Variants in CTNNA2 observed in about 807,000 individuals in gnomAD.
The protein encoded by CTNNA2 is catenin alpha 2.
In CTNNA2, 42 loss-of-function variants were observed where a neutral mutation model predicts 101.0. That is an observed-to-expected ratio of 0.42 (90% CI 0.32 to 0.54). The LOEUF (loss-of-function observed/expected upper bound fraction) is 0.54. Ranked by LOEUF, CTNNA2 falls within the 20% of genes least tolerant of loss-of-function variation. The pLI is 0.14. For missense variants in CTNNA2, 871 were observed against 1,223.1 expected (o/e 0.71, Z 4.29); for synonymous variants, 450 against 456.4 (o/e 0.99, Z 0.18).
chr2:79,587,613 A>G (rs1237702542), intron 1 of CTNNA2, among the ~76,000 whole-genome samples: 2 of 152,068 alleles, frequency 1.3e-5, no homozygotes, highest in African/African-American at 4.8e-5. Context: ...GGTGCATAAA[A>G]CCATCATTTT....
intron 7 of CTNNA2, among the ~76,000 whole-genome samples, chr2:79,982,604 C>T (rs1451327019): frequency 1.3e-5 from 2 of 151,400 alleles, no homozygotes; most frequent in East Asian, 3.9e-4. Context: ...TTGCTCTTTG[C>T]TTCCTATTAG....
chr2:80,390,705 A>G (rs938738877), intron 7 of CTNNA2, among the ~76,000 whole-genome samples: 1 of 152,230 alleles, frequency 6.6e-6, no homozygotes, highest in Admixed American at 6.5e-5. Flanking sequence ...TTAAAATGTC[A>G]TCTGATGCTG....
At chr2:80,055,358 G>A (rs1168420028) in intron 7 of CTNNA2, among the ~76,000 whole-genome samples, 2 of 152,006 alleles carry the variant, frequency 1.3e-5, no homozygotes, top group Non-Finnish European at 2.9e-5. Flanking sequence ...CTGTCTACAT[G>A]GTAATGACTT....
At chr2:80,438,069 A>G (rs1682198129) in intron 9 of CTNNA2, among the ~76,000 whole-genome samples, 1 of 152,130 alleles carries the variant, frequency 6.6e-6, no homozygotes, top group Admixed American at 6.6e-5. Flanking sequence ...ACAGAAGTTG[A>G]TTTTCTCATG....
At chr2:80,286,005 C>A (rs1250783062) in intron 7 of CTNNA2, among the ~76,000 whole-genome samples, 1 of 152,126 alleles carries the variant, frequency 6.6e-6, no homozygotes, top group African/African-American at 2.4e-5. Flanking sequence ...CTTACAGTGC[C>A]AACCCATCTT....
At chr2:79,359,645 G>A (rs991496631) in intron 3 of CTNNA2, among the ~76,000 whole-genome samples, 1 of 152,200 alleles carries the variant, frequency 6.6e-6, no homozygotes, top group South Asian at 2.1e-4. Flanking sequence ...GAGCAGCTGC[G>A]TAGAGCTAGG....
At chr2:79,710,794 A>T (rs1685693128) in intron 2 of CTNNA2, among the ~76,000 whole-genome samples, 1 of 152,140 alleles carries the variant, frequency 6.6e-6, no homozygotes, top group Admixed American at 6.5e-5. Flanking sequence ...CTGCTTAGTG[A>T]TATAAACATC....
intron 7 of CTNNA2, among the ~76,000 whole-genome samples, chr2:80,198,763 A>T (rs1707006225): frequency 6.6e-6 from 1 of 152,178 alleles, no homozygotes; most frequent in African/African-American, 2.4e-5. Flanking sequence ...TGTTGACTAT[A>T]TTCATGAGGC....
intron 3 of CTNNA2, among the ~76,000 whole-genome samples, chr2:79,835,662 C>CTTTTT (rs1405806885): frequency 1.4e-5 from 1 of 72,916 alleles, no homozygotes; most frequent in Admixed American, 1.9e-4. Flanking sequence ...AATGGCCTCT[C>CTTTTT]TTTGTTTTTT....
intron 4 of CTNNA2, among the ~76,000 whole-genome samples, chr2:79,451,801 A>G (rs1454619232): frequency 6.6e-6 from 1 of 151,148 alleles, no homozygotes; most frequent in African/African-American, 2.4e-5. Context: ...TCTTAAAAAT[A>G]TATATTAAAT....
chr2:79,821,221 T>G (rs1677974641), intron 3 of CTNNA2, among the ~76,000 whole-genome samples: 1 of 152,120 alleles, frequency 6.6e-6, no homozygotes. Context: ...TTTATTTTAT[T>G]TTTTTTAGAT....
At chr2:79,625,650 G>GCCT (rs1477670719) in intron 1 of CTNNA2, among the ~76,000 whole-genome samples, 1 of 152,118 alleles carries the variant, frequency 6.6e-6, no homozygotes, top group African/African-American at 2.4e-5. Context: ...GAGGAGAGGG[G>GCCT]CCTGGAGAAG....
intron 2 of CTNNA2, among the ~76,000 whole-genome samples, chr2:79,731,614 C>T (rs1022459066): frequency 1.3e-5 from 2 of 151,904 alleles, no homozygotes; most frequent in South Asian, 2.1e-4. Flanking sequence ...CATTGAGATG[C>T]GTGTGAGTGG....
rs1263957591 is a variant in CTNNA2 at position 80,498,441 on chromosome 2, C to G, written c.1291-46541C>G. ...TTGCAATCTCCTATGTATTTCCCTA[C>G]CAAAGAATACCTTGATCTTGAATGT... On this transcript the variant is annotated intron_variant, in intron 9 of 18. Transcript: ENST00000402739. 3.9e-5 allele frequency among the ~76,000 whole-genome samples: 6 copies of G among 152,350 alleles called. No individual in the cohort carries two copies. In the East Asian group the frequency reaches 1.2e-3, roughly 29 times the overall value.
rs567654138 is a variant in CTNNA2 at position 80,080,836 on chromosome 2, G to A, written c.1056+171039G>A. 2.7e-5 allele frequency among the ~76,000 whole-genome samples: 4 copies of A among 148,364 alleles called. No individual in the cohort carries two copies. The South Asian group carries it at 8.9e-4, about 33-fold the overall frequency. The stretch of plus-strand genomic sequence containing the variant: ...CATGTATTTTAAAGTCTAGTCTCTA[G>A]TATATATCAAGCTGTATTATAATTA... On this transcript the variant is annotated intron_variant, in intron 7 of 18. Transcript: ENST00000402739.
At chr2:79,686,100 T>C (rs981780280) in intron 2 of CTNNA2, among the ~76,000 whole-genome samples, 1 of 152,026 alleles carries the variant, frequency 6.6e-6, no homozygotes, top group Non-Finnish European at 1.5e-5. Context: ...AGGCTGAGCA[T>C]AGAGTGATTA....
In CTNNA2 at chr2:79,880,900, A is replaced by G. The variant is rs538015671; in HGVS notation, c.852+6558A>G. On this transcript the variant is annotated intron_variant, in intron 6 of 18. Transcript: ENST00000402739. Reference sequence around the variant, plus strand: ...TGCTCTTGCCTCTCTAGCTCTTTTAATTGTGATGTTAGTGTGTCGACTTGA... The same window carrying G: ...TGCTCTTGCCTCTCTAGCTCTTTTAGTTGTGATGTTAGTGTGTCGACTTGA... Among the ~76,000 whole-genome samples, 5 of 151,896 alleles carry G rather than the reference A, an allele frequency of 3.3e-5. No homozygotes were observed. In the East Asian group the frequency reaches 9.7e-4, roughly 30 times the overall value.
chr2:79,965,662 A>G (rs1023318390), intron 7 of CTNNA2, among the ~76,000 whole-genome samples: 2 of 151,956 alleles, frequency 1.3e-5, no homozygotes, highest in Admixed American at 6.6e-5. Flanking sequence ...TGTCTCTACT[A>G]CAAATACAAA....
At position 79,384,376 on chromosome 2, in the gene CTNNA2, TTCTCTCTCTCTCTCTCTCTCTCTC is replaced by T. The variant is rs11267995; in HGVS notation, c.-135+10398_-135+10421del. 8.3e-4 allele frequency among the ~76,000 whole-genome samples: 87 copies of T among 104,604 alleles called. 3 individuals carry two copies. The highest frequency in any genetic ancestry group is 7.0e-3 in the South Asian group (21 of 2,992). 68.6% of individuals were successfully genotyped at this position (104,604 alleles called of 152,430 possible). A position where few individuals can be genotyped will look rare whatever the true frequency, so the allele number is the denominator to read the frequency against. On this transcript the variant is annotated intron_variant, in intron 4 of 21. Coordinates refer to the CTNNA2 transcript ENST00000466387. ...CCCTGGTAATTTGAATGCATATTTC[TTCTCTCTCTCTCTCTCTCTCTCTC>T]TCTCTCTCTCTCTCTCTCTCTCTCT...
Sources: gnomAD v4.1 joint callset for allele counts (sites outside exome capture counted in the v4.1 genomes callset) on GRCh38, gnomAD v4.1.1 for gene constraint, MANE v1.5 for transcripts, NCBI Gene and HGNC (gene_info 2026-07-23, HGNC 2026-07-21) for gene names.